Variants in ESRRG observed in about 807,000 individuals in gnomAD.
ESRRG encodes the protein estrogen-related receptor gamma.
Under a neutral mutation model 44.0 loss-of-function variants are expected in ESRRG, and 13 were observed. The observed-to-expected ratio is 0.30, with a 90% CI of 0.19 to 0.47. The LOEUF (loss-of-function observed/expected upper bound fraction) is 0.47. Ranked by LOEUF, ESRRG falls within the 20% of genes least tolerant of loss-of-function variation. The probability of loss-of-function intolerance (pLI) is 1.00; values close to 1 mark genes in which losing one functional copy is unlikely to be tolerated. For missense variants in ESRRG, 395 were observed against 580.6 expected, an observed-to-expected ratio of 0.68 and a Z score of 3.29; for synonymous variants, 215 against 214.6, an observed-to-expected ratio of 1.00 and a Z score of -0.02.
intron 2 of ESRRG, among the ~76,000 whole-genome samples, chr1:216,917,233 C>T (rs2061311201): frequency 1.3e-5 from 2 of 149,308 alleles, no homozygotes; most frequent in South Asian, 4.2e-4. Context: ...CTACTTAATG[C>T]TTAGGTCTGG....
At chr1:216,937,913 T>A (rs1479104598) in intron 2 of ESRRG, among the ~76,000 whole-genome samples, 1 of 92,554 alleles carries the variant, frequency 1.1e-5, no homozygotes, top group Non-Finnish European at 2.4e-5. Flanking sequence ...TGGCCTGCTT[T>A]ATTATTTTTT....
At chr1:216,565,238 G>T (rs768598335) in intron 4 of ESRRG, among the ~76,000 whole-genome samples, 1 of 152,114 alleles carries the variant, frequency 6.6e-6, no homozygotes, top group Admixed American at 6.5e-5. Flanking sequence ...GGCATGTGAG[G>T]GTTTATGGAA....
At chr1:217,102,209 C>T (rs2092526534) in intron 1 of ESRRG, among the ~76,000 whole-genome samples, 1 of 152,242 alleles carries the variant, frequency 6.6e-6, no homozygotes, top group South Asian at 2.1e-4. Flanking sequence ...GGTGTTGTTA[C>T]ATCCATTTTT....
intron 2 of ESRRG, among the ~76,000 whole-genome samples, chr1:216,789,381 A>T (rs1346911956): frequency 1.3e-5 from 2 of 152,156 alleles, no homozygotes; most frequent in Non-Finnish European, 2.9e-5. Context: ...GGCTCAGATG[A>T]TCATTAGCAT....
chr1:217,010,689 C>T (rs910126302), intron 1 of ESRRG, among the ~76,000 whole-genome samples: 4 of 152,164 alleles, frequency 2.6e-5, no homozygotes, highest in African/African-American at 7.2e-5. Context: ...TGTAACTCCA[C>T]ACCAAATTTG....
At chr1:216,844,820 CCACA>C (rs140528031) in intron 2 of ESRRG, among the ~76,000 whole-genome samples, 1 of 151,648 alleles carries the variant, frequency 6.6e-6, no homozygotes, top group African/African-American at 2.4e-5. Flanking sequence ...AATATATGCA[CCACA>C]CACACACACT....
intron 1 of ESRRG, among the ~76,000 whole-genome samples, chr1:217,129,335 T>C (rs2092930052): frequency 6.6e-6 from 1 of 152,064 alleles, no homozygotes; most frequent in Non-Finnish European, 1.5e-5. Context: ...AAAAGGAAAA[T>C]AAATGTTGAT....
At chr1:216,886,082 T>G (rs2096513667) in intron 2 of ESRRG, among the ~76,000 whole-genome samples, 2 of 152,332 alleles carry the variant, frequency 1.3e-5, no homozygotes, top group East Asian at 1.9e-4. Flanking sequence ...ATTTTTGAAT[T>G]GCTAGAGTAA....
At chr1:216,864,324 A>T (rs1237414984) in intron 2 of ESRRG, 2 of 101,934 alleles carry the variant, frequency 2.0e-5, no homozygotes, top group African/African-American at 1.2e-4. Context: ...TCTCTAAATC[A>T]ACAAGTCAGA....
intron 5 of ESRRG, among the ~76,000 whole-genome samples, chr1:216,531,901 G>A (rs1163966288): frequency 1.3e-5 from 2 of 152,038 alleles, no homozygotes; most frequent in African/African-American, 4.8e-5. Flanking sequence ...CTCCTAGGCT[G>A]TGACCATTTC....
At chr1:216,628,055 T>TTTCTTCAGATGTATCCTGATGAATCTAAG (rs2063488339) in intron 3 of ESRRG, among the ~76,000 whole-genome samples, 1 of 152,210 alleles carries the variant, frequency 6.6e-6, no homozygotes, top group African/African-American at 2.4e-5. Flanking sequence ...GATGGTGTAC[T>TTTCTTCAGATGTATCCTGATGAATCTAAG]TTCTTCAGAT....
At chr1:216,980,322 C>T (rs1021674443) in intron 1 of ESRRG, among the ~76,000 whole-genome samples, 2 of 152,224 alleles carry the variant, frequency 1.3e-5, no homozygotes, top group Non-Finnish European at 2.9e-5. Context: ...TGTTCAACTG[C>T]CTTTTAGACA....
intron 1 of ESRRG, among the ~76,000 whole-genome samples, chr1:217,097,790 C>A (rs564039430): frequency 4.0e-4 from 59 of 148,832 alleles, no homozygotes; most frequent in Non-Finnish European, 4.7e-4. Context: ...GAATCAAGTT[C>A]ATCGATTTGC....
At chr1:216,667,678 T>C (rs1575030961) in intron 2 of ESRRG, among the ~76,000 whole-genome samples, 1 of 77,874 alleles carries the variant, frequency 1.3e-5, no homozygotes, top group African/African-American at 6.1e-5. Context: ...AGAGCGAGAC[T>C]CCATCTCAAA....
rs1443498733 is a variant in ESRRG, at chr1:216,858,164, G to A, written c.-14+81418C>T. ...TTAAAATAAATAATTAAGGCTGGGT[G>A]CAGTGGCTCACGCCTGTAATCCCAG... On this transcript the variant is annotated intron_variant, in intron 2 of 7. Coordinates refer to the ESRRG transcript ENST00000359162. Among the ~76,000 whole-genome samples, 3 of 152,146 alleles carry A rather than the reference G, an allele frequency of 2.0e-5. No homozygotes were observed. The South Asian group carries it at 6.2e-4, about 31-fold the overall frequency.
intron 2 of ESRRG, among the ~76,000 whole-genome samples, chr1:216,930,699 G>A (rs2063216761): frequency 6.6e-6 from 1 of 152,168 alleles, no homozygotes; most frequent in Non-Finnish European, 1.5e-5. Flanking sequence ...GTCTTAAATA[G>A]TACTGACAGA....
In ESRRG at chr1:216,519,320, C is replaced by T; in HGVS notation, c.964G>A (p.Asp322Asn). ...TAATCGTCTGCATAGACAAGTTCAT[C>T]CTCAAACGAAAGAGACCGGTATACG... ...GVVYRSLSFE[D>N]ELVYADDYIM... Residue 322 changes from aspartate to asparagine, a missense_variant, in exon 6 of 7, where the codon GAT becomes AAT. By Grantham distance (23) the Asp-to-Asn change is conservative. Coordinates refer to ENST00000408911, the MANE Select transcript of ESRRG (RefSeq NM_001438.4). 1.2e-6 allele frequency: 2 copies of T among 1,613,846 alleles called. No homozygotes were observed. The highest frequency in any genetic ancestry group is 1.7e-6 in the Non-Finnish European group (2 of 1,179,842).
At chr1:216,797,669 A>G (rs1289032620) in intron 2 of ESRRG, among the ~76,000 whole-genome samples, 1 of 152,152 alleles carries the variant, frequency 6.6e-6, no homozygotes, top group African/African-American at 2.4e-5. Context: ...GGGATCAGAC[A>G]GGGGTTGTGG....
intron 2 of ESRRG, among the ~76,000 whole-genome samples, chr1:216,732,005 T>G (rs1348477096): frequency 6.6e-6 from 1 of 151,646 alleles, no homozygotes; most frequent in Non-Finnish European, 1.5e-5. Context: ...AACAAAGAAA[T>G]TTTTTTTTAA....
Sources: gnomAD v4.1 joint callset for allele counts (sites outside exome capture counted in the v4.1 genomes callset) on GRCh38, gnomAD v4.1.1 for gene constraint, MANE v1.5 for transcripts, NCBI Gene and HGNC (gene_info 2026-07-23, HGNC 2026-07-21) for gene names.